NKX3-2: variants seen among roughly 807,000 people sequenced by gnomAD.
NKX3-2 encodes NK3 homeobox 2.
Under a neutral mutation model 19.4 loss-of-function variants are expected in NKX3-2, and 13 were observed. The observed-to-expected ratio is 0.67, with a 90% CI of 0.44 to 1.07. NKX3-2 has a LOEUF of 1.07. Ranked by LOEUF, NKX3-2 falls within the 50% of genes least tolerant of loss-of-function variation. The pLI is 0.00. For synonymous variants in NKX3-2, 269 were observed against 230.5 expected (o/e 1.17, Z -1.51); for missense variants, 562 against 488.2 (o/e 1.15, Z -1.42).
chr4:13,546,297 GT>G (rs1718130921), upstream of NKX3-2: 1 of 153,204 alleles, frequency 6.5e-6, no homozygotes, highest in Non-Finnish European at 1.5e-5. Flanking sequence ...TTCTTGCTTT[GT>G]GCAAACCTTG....
chr4:13,547,388 C>G (rs922098701), upstream of NKX3-2: 1 of 359,282 alleles, frequency 2.8e-6, no homozygotes, highest in African/African-American at 2.1e-5. Flanking sequence ...GCGCCACGCT[C>G]CGGCTTGGGC....
chr4:13,544,123 T>A lies in NKX3-2; in HGVS notation c.292A>T (p.Ser98Cys), dbSNP rs759515252. Reference protein sequence around the residue: ...PEGWDSDSALSEENESRRRCA... With the variant: ...PEGWDSDSALCEENESRRRCA... The stretch of plus-strand genomic sequence containing the variant: ...CGCCGCCTGCTCTCGTTCTCCTCGC[T>A]GAGCGCGGAGTCCGAGTCCCAGCCT... Residue 98 changes from serine to cysteine, a missense_variant, in exon 1 of 2, where the codon AGC (serine) becomes TGC (cysteine). Ser to Cys is a moderately radical substitution (Grantham distance 112). Transcript: ENST00000382438. 1.0e-4 allele frequency: 165 copies of A among 1,603,326 alleles called. No homozygotes were observed. Among genetic ancestry groups the A allele is most frequent in the Non-Finnish European group, 1.4e-4 (162 of 1,177,348 alleles).
chr4:13,547,321 G>A (rs1465852282), upstream of NKX3-2: 3 of 446,058 alleles, frequency 6.7e-6, no homozygotes, highest in East Asian at 1.4e-4. Context: ...TGCCCATCGA[G>A]GGCGACTTCC....
Position 13,544,074 on chromosome 4 carries a change from C to T in NKX3-2, c.341G>A (p.Ser114Asn). Residue 114 changes from serine to asparagine, a missense_variant, in exon 1 of 2, where the codon AGC (serine) becomes AAC (asparagine). By Grantham distance (46) the Ser-to-Asn change is conservative. Coordinates refer to ENST00000382438, the MANE Select transcript of NKX3-2 (RefSeq NM_001189.4). The part of the protein sequence containing the change: ...RRRCADARGA[S>N]GAGLAGGSLS... ...GGATCCCCCCGCAAGGCCGGCCCCG[C>T]TGGCCCCCCGCGCGTCCGCGCAGCG... 1.9e-6 allele frequency: 3 copies of T among 1,580,456 alleles called. No homozygotes were observed. Among genetic ancestry groups the T allele is most frequent in the Non-Finnish European group, 2.6e-6 (3 of 1,165,686 alleles).
At position 13,542,438 on chromosome 4, in the gene NKX3-2, C is replaced by T; in HGVS notation, c.557G>A (p.Gly186Asp). 6.4e-7 allele frequency: 1 copy of T among 1,560,092 alleles called. No individual in the cohort carries two copies. ...ALCSGAGGGGGSGPAGVAEEE... is the reference protein window; with the variant it reads ...ALCSGAGGGGDSGPAGVAEEE... ...CTCCGCGACGCCTGCCGGCCCGCTG[C>T]CGCCCCCGCCGCCGGCCCCGCTGCA... The change falls in exon 2 of 2, where the codon GGC (glycine) becomes GAC (aspartate). Residue 186 changes from glycine to aspartate, a missense_variant. Physicochemically the swap from Gly to Asp is moderately conservative, Grantham distance 94. Transcript: ENST00000382438. The surrounding 1 kb of genome is among the most constrained non-coding windows in gnomAD (Gnocchi z 6.4).
At position 13,542,675 on chromosome 4, in the gene NKX3-2, C is replaced by T. The variant is rs912575088; in HGVS notation, c.467-147G>A. 5.8e-6 allele frequency: 6 copies of T among 1,042,992 alleles called. No homozygotes were observed. In the Admixed American group the frequency reaches 1.2e-4, roughly 21 times the overall value. The allele number at this position is 1,042,992 out of a possible 1,614,324, so 64.6% of individuals were successfully genotyped here. ...GAGCGGAGGTCTGGGAGGCCCTGGG[C>T]CCGGGAGACCAGTCTTAGACTCTTG... On this transcript the variant is annotated intron_variant, in intron 1 of 1. Coordinates refer to ENST00000382438, the MANE Select transcript of NKX3-2 (RefSeq NM_001189.4). This position sits in a 1 kb window ranked among gnomAD's most constrained non-coding sequence, Gnocchi z 6.4.
Position 13,542,371 on chromosome 4 carries a change from G to A in NKX3-2, c.624C>T (p.Arg208=), listed in dbSNP as rs1448332816. Reference sequence around the variant, plus strand: ...GCGCGTGGGAGAAAGCGGCCCGCGAGCGCTTCTTGCGTGGCTTGGGCGCCG... The same window carrying A: ...GCGCGTGGGAGAAAGCGGCCCGCGAACGCTTCTTGCGTGGCTTGGGCGCCG... ...EPAAPKPRKK[R]SRAAFSHAQV... The change falls in exon 2 of 2, where the codon CGC becomes CGT. Residue 208 remains arginine, a synonymous_variant. Transcript: ENST00000382438. The surrounding 1 kb of genome is among the most constrained non-coding windows in gnomAD (Gnocchi z 6.4). 10 of 1,513,566 alleles carry A rather than the reference G, an allele frequency of 6.6e-6. No homozygotes were observed. The highest frequency in any genetic ancestry group is 8.8e-6 in the Non-Finnish European group (10 of 1,135,374). The allele number at this position is 1,513,566 out of a possible 1,614,324, so 93.8% of individuals were successfully genotyped here.
Position 13,543,884 on chromosome 4 carries a change from G to A in NKX3-2, c.466+65C>T. 1 of 1,384,802 alleles carries A rather than the reference G, an allele frequency of 7.2e-7. No homozygotes were observed. The highest frequency in any genetic ancestry group is 9.5e-7 in the Non-Finnish European group (1 of 1,049,404). 85.8% of individuals were successfully genotyped at this position (1,384,802 alleles called of 1,614,324 possible). A position where few individuals can be genotyped will look rare whatever the true frequency, so the allele number is the denominator to read the frequency against. On this transcript the variant is annotated intron_variant, in intron 1 of 1. Transcript: ENST00000382438. This position sits in a 1 kb window ranked among gnomAD's most constrained non-coding sequence, Gnocchi z 7.1. ...GGTGCTCAAGCCGACCACCCCACTCGGCGTGGTTGCCCTCCGCGTCCATCC... is the reference window on the plus strand; with the variant it reads ...GGTGCTCAAGCCGACCACCCCACTCAGCGTGGTTGCCCTCCGCGTCCATCC...
chr4:13,542,198 A>G lies in NKX3-2; in HGVS notation c.797T>C (p.Met266Thr). 1.9e-6 allele frequency: 3 copies of G among 1,610,164 alleles called. No homozygotes were observed. Among genetic ancestry groups the G allele is most frequent in the Admixed American group, 3.4e-5 (2 of 59,624 alleles). Residue 266 changes from methionine (M) to threonine (T), a missense_variant, in exon 2 of 2, where the codon ATG becomes ACG. By Grantham distance (81) the Met-to-Thr change is moderately conservative (BLOSUM62 -1). Coordinates refer to ENST00000382438, the MANE Select transcript of NKX3-2 (RefSeq NM_001189.4). The surrounding 1 kb of genome is among the most constrained non-coding windows in gnomAD (Gnocchi z 6.4). ...CGCCGAGGCCAGCAGGTCGGCTGCC[A>G]TCTGCCGGCGCTTTGTCTTGTAGCG... is the stretch of plus-strand genomic sequence containing the variant. The part of the protein sequence containing the change: ...NRRYKTKRRQ[M>T]AADLLASAPA...
chr4:13,546,688 A>G (rs757201422), upstream of NKX3-2: 3 of 354,856 alleles, frequency 8.5e-6, no homozygotes, highest in Non-Finnish European at 1.7e-5. Context: ...AAAGGCAGGC[A>G]GAGATGTTTT....
chr4:13,545,019 C>G (rs2109006398), upstream of NKX3-2: 1 of 152,334 alleles, frequency 6.6e-6, no homozygotes, highest in African/African-American at 2.4e-5. Context: ...CTCTTTCCTT[C>G]CCTTGCGTTC....
rs1718047927 is a variant in NKX3-2, at chr4:13,543,810, A to G, written c.466+139T>C. ...CCGAAGTGATAGAGCAGCTCGCGCC[A>G]GAGCGCAGAACTTCGGGATTTGGCC... On this transcript the variant is annotated intron_variant, in intron 1 of 1. Transcript: ENST00000382438. This position sits in a 1 kb window ranked among gnomAD's most constrained non-coding sequence, Gnocchi z 7.1. 2.6e-6 allele frequency: 2 copies of G among 774,262 alleles called. No individual in the cohort carries two copies. Among genetic ancestry groups the G allele is most frequent in the South Asian group, 2.1e-5 (1 of 48,656 alleles). The allele number at this position is 774,262 out of a possible 1,614,324, so 48.0% of individuals were successfully genotyped here. A position where few individuals can be genotyped will look rare whatever the true frequency, so the allele number is the denominator to read the frequency against.
rs1220356533 is a variant in NKX3-2, at chr4:13,541,953, C to T, written c.*40G>A. The T allele has an allele frequency of 1.3e-6, 2 of 1,553,606 alleles. No homozygotes were observed. Among genetic ancestry groups the T allele is most frequent in the South Asian group, 1.2e-5 (1 of 84,156 alleles). On this transcript the variant is annotated 3_prime_UTR_variant, in exon 2 of 2. Coordinates refer to ENST00000382438, the MANE Select transcript of NKX3-2 (RefSeq NM_001189.4). The stretch of plus-strand genomic sequence containing the variant: ...ACAGCTGTCAGCGCCGGTCCGGAGC[C>T]GGAGCGCGGGAATCACTCGCTGCCT...
upstream of NKX3-2, chr4:13,545,044 C>G (rs1263477341): frequency 3.9e-5 from 6 of 152,404 alleles, no homozygotes; most frequent in African/African-American, 1.2e-4. Context: ...GTACCACCCC[C>G]CTCCCGCCCG....
rs1298310438 is a variant in NKX3-2 at position 13,542,679 on chromosome 4, G to T, written c.467-151C>A. 1.1e-5 allele frequency: 11 copies of T among 1,035,964 alleles called. No individual in the cohort carries two copies. In the East Asian group the frequency reaches 2.0e-4, roughly 19 times the overall value. 64.2% of individuals were successfully genotyped at this position (1,035,964 alleles called of 1,614,324 possible). ...GGAGGTCTGGGAGGCCCTGGGCCCG[G>T]GAGACCAGTCTTAGACTCTTGCCCC... On this transcript the variant is annotated intron_variant, in intron 1 of 1. Coordinates refer to ENST00000382438, the MANE Select transcript of NKX3-2 (RefSeq NM_001189.4). The surrounding 1 kb of genome is among the most constrained non-coding windows in gnomAD (Gnocchi z 6.4).
rs1398009450 is a variant in NKX3-2, at chr4:13,541,808, C to A, written c.*185G>T. 4 of 870,722 alleles carry A rather than the reference C, an allele frequency of 4.6e-6. No individual in the cohort carries two copies. The highest frequency in any genetic ancestry group is 6.8e-6 in the Non-Finnish European group (4 of 589,472). The allele number at this position is 870,722 out of a possible 1,614,324, so 53.9% of individuals were successfully genotyped here. On this transcript the variant is annotated 3_prime_UTR_variant, in exon 2 of 2. Coordinates refer to ENST00000382438, the MANE Select transcript of NKX3-2 (RefSeq NM_001189.4). Reference sequence around the variant, plus strand: ...TGCCTCTGTTCAAATTAGAAAAAGGCGCCCCCTCAGGGCAGACTCAGCCCA... The same window carrying A: ...TGCCTCTGTTCAAATTAGAAAAAGGAGCCCCCTCAGGGCAGACTCAGCCCA...
upstream of NKX3-2, chr4:13,547,161 G>A (rs1356694830): frequency 4.4e-6 from 2 of 456,262 alleles, no homozygotes; most frequent in African/African-American, 2.0e-5. Flanking sequence ...GTGGGGAAGG[G>A]GAGGTGGTTG....
chr4:13,545,040 C>G (rs1718098021), upstream of NKX3-2: 1 of 152,274 alleles, frequency 6.6e-6, no homozygotes, highest in Non-Finnish European at 1.5e-5. Flanking sequence ...CACTGTACCA[C>G]CCCCCTCCCG....
chr4:13,545,816 G>T (rs183960418), upstream of NKX3-2, among the ~76,000 whole-genome samples: 342 of 152,116 alleles, frequency 2.2e-3, 2 homozygotes, highest in Non-Finnish European at 5.4e-4. Context: ...ATGTTTGTTT[G>T]CTTAGAAGTA....
Sources: allele counts gnomAD v4.1 joint callset (sites outside exome capture counted in the v4.1 genomes callset), GRCh38; gene constraint gnomAD v4.1.1; non-coding constraint Gnocchi (gnomAD v3.1); transcripts MANE v1.5; gene names NCBI Gene and HGNC (gene_info 2026-07-23, HGNC 2026-07-21).